RIC8B: variants seen among roughly 807,000 people sequenced by gnomAD.
RIC8B encodes the protein chaperone Ric-8B.
In RIC8B, 16 loss-of-function variants were observed where a neutral mutation model predicts 57.5. The observed-to-expected ratio is 0.28, with a 90% confidence interval of 0.19 to 0.42. The LOEUF (loss-of-function observed/expected upper bound fraction) is 0.42. Among genes scored for constraint, RIC8B ranks in the 10% least tolerant of loss-of-function variants. The pLI, the probability that RIC8B is intolerant of heterozygous loss-of-function variation, is 1.00. For missense variants in RIC8B, 481 were observed against 677.0 expected (o/e 0.71, Z 3.21); for synonymous variants, 216 against 250.8 (o/e 0.86, Z 1.31).
At chr12:106,794,653 A>G (rs1467587317) in intron 2 of RIC8B, among the ~76,000 whole-genome samples, 2 of 152,198 alleles carry the variant, frequency 1.3e-5, no homozygotes, top group African/African-American at 4.8e-5. Context: ...AACCTCATCT[A>G]AGAATCCTGT....
At chr12:106,813,581 A>G (rs1593177728) in intron 2 of RIC8B, among the ~76,000 whole-genome samples, 1 of 152,204 alleles carries the variant, frequency 6.6e-6, no homozygotes, top group Admixed American at 6.5e-5. Context: ...ATACCAAGGG[A>G]TGACTACATT....
intron 4 of RIC8B, among the ~76,000 whole-genome samples, chr12:106,835,333 G>A (rs2046547896): frequency 6.6e-6 from 1 of 151,930 alleles, no homozygotes. Context: ...TTTGCTTTAG[G>A]TTTAGGAACC....
rs1951229383 is a variant in RIC8B, at chr12:106,887,486, A to G, written c.*1471A>G. On this transcript the variant is annotated 3_prime_UTR_variant, in exon 10 of 10. Transcript: ENST00000392837. ...TGGCAAAGCAAAAAAATCAGGAATT[A>G]CGTCTTAAAGGCCTTTCAGCTGCCA... 1 of 152,208 alleles carries G rather than the reference A, an allele frequency of 6.6e-6. No individual in the cohort carries two copies. The highest frequency in any genetic ancestry group is 2.4e-5 in the African/African-American group (1 of 41,454). The allele number at this position is 152,208 out of a possible 1,614,324, so 9.4% of individuals were successfully genotyped here. A position where few individuals can be genotyped will look rare whatever the true frequency, so the allele number is the denominator to read the frequency against.
chr12:106,798,317 T>C (rs144299518), intron 2 of RIC8B, among the ~76,000 whole-genome samples: 5 of 152,216 alleles, frequency 3.3e-5, no homozygotes, highest in South Asian at 4.1e-4. Context: ...AGTTCTTGGC[T>C]GACCAGATGT....
chr12:106,789,921 G>T (rs2044195199), intron 2 of RIC8B, among the ~76,000 whole-genome samples: 1 of 132,874 alleles, frequency 7.5e-6, no homozygotes. Flanking sequence ...TAAGGGAACA[G>T]TGCCCTTCAA....
chr12:106,859,371 TAA>T (rs1416461552), intron 7 of RIC8B, among the ~76,000 whole-genome samples: 1 of 152,170 alleles, frequency 6.6e-6, no homozygotes, highest in African/African-American at 2.4e-5. Context: ...CTGCTCATCT[TAA>T]GAGAGACATC....
At chr12:106,783,578 G>A (rs560899780) in intron 1 of RIC8B, among the ~76,000 whole-genome samples, 5 of 152,072 alleles carry the variant, frequency 3.3e-5, no homozygotes, top group Admixed American at 1.3e-4. Context: ...CACCCCAAAC[G>A]TATGTCCTGT....
chr12:106,848,259 G>A (rs1343705914), intron 6 of RIC8B, among the ~76,000 whole-genome samples: 4 of 152,338 alleles, frequency 2.6e-5, no homozygotes, highest in African/African-American at 9.6e-5. Flanking sequence ...GAAGGTCCAT[G>A]GAGGTCTGTG....
At chr12:106,808,013 A>C in intron 2 of RIC8B, among the ~76,000 whole-genome samples, 1 of 150,468 alleles carries the variant, frequency 6.6e-6, no homozygotes, top group Non-Finnish European at 1.5e-5. Flanking sequence ...TGAACCTGGG[A>C]GGCGGAGGTT....
At chr12:106,811,612 A>G (rs7977765) in intron 2 of RIC8B, among the ~76,000 whole-genome samples, 31,706 of 152,104 alleles carry the variant, frequency 0.21, 3,411 homozygotes, top group East Asian at 0.32. Context: ...ATGCTGAAGG[A>G]ACAGTGGAGG....
intron 3 of RIC8B, among the ~76,000 whole-genome samples, chr12:106,825,082 G>T (rs11113124): frequency 6.6e-6 from 1 of 152,072 alleles, no homozygotes; most frequent in Non-Finnish European, 1.5e-5. Flanking sequence ...GATAATTAAA[G>T]CAGGTGTAAT....
rs143715810 is a variant in RIC8B, at chr12:106,783,887, G to A, written c.85-110G>A. 344 of 896,782 alleles carry A rather than the reference G, an allele frequency of 3.8e-4. 1 individual carries two copies. The African/African-American group carries it at 4.7e-3, about 12-fold the overall frequency. The allele number at this position is 896,782 out of a possible 1,614,324, so 55.6% of individuals were successfully genotyped here. A position where few individuals can be genotyped will look rare whatever the true frequency, so the allele number is the denominator to read the frequency against. ...TACTTTAATAAGAATATTGAGATAC[G>A]GGAAGGCAACATTTTTTACAGGGAC... On this transcript the variant is annotated intron_variant, in intron 1 of 9. Coordinates refer to ENST00000392837, the MANE Select transcript of RIC8B (RefSeq NM_001330145.2).
chr12:106,828,611 G>A (rs2046218454), intron 4 of RIC8B, among the ~76,000 whole-genome samples: 1 of 152,142 alleles, frequency 6.6e-6, no homozygotes, highest in Admixed American at 6.5e-5. Flanking sequence ...AAAGAGTTGT[G>A]ATGGTGATTA....
intron 8 of RIC8B, among the ~76,000 whole-genome samples, chr12:106,865,383 G>T (rs1468908126): frequency 1.3e-5 from 2 of 152,130 alleles, no homozygotes; most frequent in Non-Finnish European, 2.9e-5. Context: ...ATCAAAGAGA[G>T]AAATAAGTTT....
rs2045511608 is a variant in RIC8B, at chr12:106,815,060, G to A, written c.497G>A (p.Arg166His). ...AATGACATTAAGTGCTTTGACTTGC[G>A]CTTGCTCTTCCTTCTGTCACTTTTG... ...FINDIKCFDL[R>H]LLFLLSLLHT... is the part of the protein sequence containing the mutation. The change falls in exon 3 of 10, where the codon CGC becomes CAC. Residue 166 changes from arginine (R) to histidine (H), a missense_variant. Coordinates refer to ENST00000392837, the MANE Select transcript of RIC8B (RefSeq NM_001330145.2). 4 of 1,614,104 alleles carry A rather than the reference G, an allele frequency of 2.5e-6. No individual in the cohort carries two copies. The highest frequency in any genetic ancestry group is 1.1e-5 in the South Asian group (1 of 91,080).
At chr12:106,803,933 G>T (rs2044872298) in intron 2 of RIC8B, among the ~76,000 whole-genome samples, 1 of 152,134 alleles carries the variant, frequency 6.6e-6, no homozygotes, top group East Asian at 1.9e-4. Flanking sequence ...GTCATAGAAG[G>T]AGTATTATCC....
intron 2 of RIC8B, among the ~76,000 whole-genome samples, chr12:106,811,258 G>A (rs2045322115): frequency 6.6e-6 from 1 of 152,180 alleles, no homozygotes. Flanking sequence ...TGTTCGTCTG[G>A]TCAGGTATTC....
At chr12:106,801,521 G>A (rs1219792645) in intron 2 of RIC8B, among the ~76,000 whole-genome samples, 1 of 152,180 alleles carries the variant, frequency 6.6e-6, no homozygotes, top group African/African-American at 2.4e-5. Context: ...TTTAGGAAGT[G>A]AGATACAGCC....
intron 4 of RIC8B, among the ~76,000 whole-genome samples, chr12:106,839,687 G>A (rs2046780277): frequency 6.6e-6 from 1 of 152,184 alleles, no homozygotes. Context: ...CTTACGTTAA[G>A]TGCTCTTACC....
Sources: allele counts gnomAD v4.1 joint callset (sites outside exome capture counted in the v4.1 genomes callset), GRCh38; gene constraint gnomAD v4.1.1; transcripts MANE v1.5; gene names NCBI Gene and HGNC (gene_info 2026-07-23, HGNC 2026-07-21).